The following ADAMTSL1 variants were observed in gnomAD, a reference collection of about 807,000 sequenced individuals.
ADAMTSL1 encodes the protein ADAMTS like 1, also known as ADAMTS-like protein 1.
In ADAMTSL1, 126 loss-of-function variants were observed where a neutral mutation model predicts 201.8. The ratio of observed to expected loss-of-function variants is 0.62; its 90% confidence interval spans 0.54 to 0.72. ADAMTSL1 has a LOEUF of 0.72. Ranked by LOEUF, ADAMTSL1 falls within the 30% of genes least tolerant of loss-of-function variation. The probability of loss-of-function intolerance (pLI) is 0.00; values close to 1 mark genes in which losing one functional copy is unlikely to be tolerated. For missense variants in ADAMTSL1, 2,679 were observed against 2,277.8 expected, an observed-to-expected ratio of 1.18 and a Z score of -3.59; for synonymous variants, 1,121 against 903.4, an observed-to-expected ratio of 1.24 and a Z score of -4.32.
chr9:18,732,910 T>G (rs375120039), intron 15 of ADAMTSL1, among the ~76,000 whole-genome samples: 1 of 152,210 alleles, frequency 6.6e-6, no homozygotes, highest in Non-Finnish European at 1.5e-5. Flanking sequence ...TTATATACAT[T>G]ATTTTGATTA....
chr9:18,168,937 T>C (rs1827760143), intron 2 of ADAMTSL1, among the ~76,000 whole-genome samples: 1 of 151,670 alleles, frequency 6.6e-6, no homozygotes, highest in Non-Finnish European at 1.5e-5. Context: ...TTGAGAAGTG[T>C]CTGTTCATAT....
chr9:18,382,120 G>A (rs1837583860), intron 2 of ADAMTSL1, among the ~76,000 whole-genome samples: 1 of 152,040 alleles, frequency 6.6e-6, no homozygotes, highest in Non-Finnish European at 1.5e-5. Flanking sequence ...TTTTGACCGG[G>A]GGCAGGTAGC....
chr9:18,602,553 C>A (rs1238392884), intron 4 of ADAMTSL1, among the ~76,000 whole-genome samples: 1 of 152,164 alleles, frequency 6.6e-6, no homozygotes, highest in African/African-American at 2.4e-5. Context: ...GGCAGCCTGC[C>A]TTTATTGTTC....
At chr9:18,265,555 A>G (rs1474131839) in intron 2 of ADAMTSL1, among the ~76,000 whole-genome samples, 1 of 152,228 alleles carries the variant, frequency 6.6e-6, no homozygotes, top group Non-Finnish European at 1.5e-5. Flanking sequence ...GACTGAATGA[A>G]TAAGCTATGG....
intron 1 of ADAMTSL1, among the ~76,000 whole-genome samples, chr9:18,134,675 C>T (rs566112365): frequency 6.6e-6 from 1 of 152,224 alleles, no homozygotes; most frequent in South Asian, 2.1e-4. Flanking sequence ...GTGGTTCTTT[C>T]TTTAAAGTAA....
rs139919169 is a variant in ADAMTSL1, at chr9:18,553,948, T to A, written c.238-20082T>A. On this transcript the variant is annotated intron_variant, in intron 3 of 28. Transcript: ENST00000380548. ...GAGGATTTGTATTTTTAATTATTTC[T>A]GGAAAATTCTCACAAAATTATTTTC... 5.3e-3 allele frequency among the ~76,000 whole-genome samples: 804 copies of A among 152,000 alleles called. 6 individuals are homozygous for A. Among genetic ancestry groups the A allele is most frequent in the Non-Finnish European group, 7.6e-3 (518 of 67,858 alleles).
chr9:17,935,913 CATCTTCCACATGGCTT>C (rs1826988424), intron 1 of ADAMTSL1, among the ~76,000 whole-genome samples: 1 of 152,178 alleles, frequency 6.6e-6, no homozygotes, highest in African/African-American at 2.4e-5. Flanking sequence ...CAGTGCTTCC[CATCTTCCACATGGCTT>C]ATAAGGCCTG....
intron 1 of ADAMTSL1, among the ~76,000 whole-genome samples, chr9:18,096,883 T>C (rs1176560933): frequency 6.6e-6 from 1 of 152,232 alleles, no homozygotes; most frequent in African/African-American, 2.4e-5. Flanking sequence ...TAATATGGTA[T>C]GTACTCCTTT....
intron 2 of ADAMTSL1, among the ~76,000 whole-genome samples, chr9:18,217,036 A>C (rs1017132649): frequency 2.6e-5 from 4 of 152,116 alleles, no homozygotes; most frequent in Middle Eastern, 3.4e-3. Context: ...TCAAGTAGAG[A>C]ATAAAGGACA....
chr9:18,402,278 G>A (rs987948153), intron 2 of ADAMTSL1, among the ~76,000 whole-genome samples: 2 of 152,092 alleles, frequency 1.3e-5, no homozygotes, highest in African/African-American at 4.8e-5. Context: ...TGTACTTTGC[G>A]CTTCTCATTT....
intron 7 of ADAMTSL1, among the ~76,000 whole-genome samples, chr9:18,647,122 T>C (rs1443715935): frequency 8.5e-6 from 1 of 117,168 alleles, no homozygotes; most frequent in Non-Finnish European, 1.8e-5. Flanking sequence ...TCTTGGAGAG[T>C]GTATGTGTCG....
At chr9:18,739,559 C>A (rs1038820294) in intron 15 of ADAMTSL1, among the ~76,000 whole-genome samples, 7 of 152,204 alleles carry the variant, frequency 4.6e-5, no homozygotes, top group African/African-American at 1.4e-4. Context: ...TGATAATAAT[C>A]CCTTAACTCG....
At chr9:18,677,840 T>G (rs1332296100) in intron 10 of ADAMTSL1, among the ~76,000 whole-genome samples, 1 of 151,914 alleles carries the variant, frequency 6.6e-6, no homozygotes, top group Non-Finnish European at 1.5e-5. Flanking sequence ...TGTCTGATAC[T>G]GAACTAGTTA....
intron 1 of ADAMTSL1, among the ~76,000 whole-genome samples, chr9:17,976,492 A>T (rs956727252): frequency 6.6e-6 from 1 of 151,976 alleles, no homozygotes; most frequent in African/African-American, 2.4e-5. Flanking sequence ...ATACAATTGT[A>T]CATGGGATTG....
chr9:18,239,818 A>G (rs1208062047), intron 2 of ADAMTSL1, among the ~76,000 whole-genome samples: 1 of 151,916 alleles, frequency 6.6e-6, no homozygotes, highest in African/African-American at 2.4e-5. Flanking sequence ...AAAGAAGGAG[A>G]AACCACTATC....
At chr9:18,747,698 T>A (rs1452082998) in intron 15 of ADAMTSL1, among the ~76,000 whole-genome samples, 1 of 152,200 alleles carries the variant, frequency 6.6e-6, no homozygotes, top group Non-Finnish European at 1.5e-5. Flanking sequence ...ACTATTGTTA[T>A]TGGTGACCAT....
chr9:18,761,108 T>G (rs575647218), intron 16 of ADAMTSL1, among the ~76,000 whole-genome samples: 1 of 152,308 alleles, frequency 6.6e-6, no homozygotes, highest in South Asian at 2.1e-4. Flanking sequence ...ACAAGTGAAG[T>G]GAGTTGGAAG....
intron 2 of ADAMTSL1, among the ~76,000 whole-genome samples, chr9:18,210,453 A>G (rs1204880726): frequency 6.8e-6 from 1 of 147,046 alleles, no homozygotes; most frequent in Non-Finnish European, 1.5e-5. Flanking sequence ...ATATATTAAT[A>G]AATATATATT....
intron 2 of ADAMTSL1, among the ~76,000 whole-genome samples, chr9:18,308,325 A>G (rs1174308250): frequency 2.0e-5 from 3 of 152,102 alleles, no homozygotes; most frequent in Non-Finnish European, 4.4e-5. Context: ...CTAGCAGAAG[A>G]CAAGAAATTA....
Sources: gnomAD v4.1 joint callset for allele counts (sites outside exome capture counted in the v4.1 genomes callset) on GRCh38, gnomAD v4.1.1 for gene constraint, MANE v1.5 for transcripts, NCBI Gene and HGNC (gene_info 2026-07-23, HGNC 2026-07-21) for gene names.